ASIC2: variants seen among roughly 807,000 people sequenced by gnomAD.
The protein encoded by ASIC2 is acid-sensing ion channel 2.
In ASIC2, 25 loss-of-function variants were observed where a neutral mutation model predicts 57.3. The observed-to-expected ratio is 0.44, with a 90% confidence interval of 0.32 to 0.61. ASIC2 has a LOEUF of 0.61. Among genes scored for constraint, ASIC2 ranks in the 20% least tolerant of loss-of-function variants. The probability of loss-of-function intolerance (pLI) is 0.06; values close to 1 mark genes in which losing one functional copy is unlikely to be tolerated. For synonymous variants in ASIC2, 319 were observed against 307.5 expected (o/e 1.04, Z -0.39); for missense variants, 641 against 738.1 (o/e 0.87, Z 1.52).
chr17:33,538,911 A>C (rs1362085886), intron 1 of ASIC2, among the ~76,000 whole-genome samples: 1 of 152,182 alleles, frequency 6.6e-6, no homozygotes, highest in Non-Finnish European at 1.5e-5. Context: ...AATCTTCTAA[A>C]TCTATAAAGT....
At chr17:33,379,862 A>G (rs1200942122) in intron 1 of ASIC2, among the ~76,000 whole-genome samples, 1 of 152,188 alleles carries the variant, frequency 6.6e-6, no homozygotes, top group African/African-American at 2.4e-5. Context: ...CATCTCTTTT[A>G]TTATCATTTA....
intron 3 of ASIC2, among the ~76,000 whole-genome samples, chr17:33,083,309 T>A (rs939503362): frequency 1.3e-5 from 2 of 151,680 alleles, no homozygotes; most frequent in African/African-American, 2.4e-5. Context: ...TCTGGAGAGG[T>A]AGGTGTCAGG....
chr17:33,291,736 T>C lies in ASIC2; in HGVS notation c.380A>G (p.Gln127Arg), dbSNP rs760765246. Residue 127 changes from glutamine (Q) to arginine (R), a missense_variant, in exon 1 of 10, where the codon CAG becomes CGG. This residue lies in a region of ASIC2 where 382 missense variants were observed against 398.0 expected (regional missense o/e 0.96). Coordinates refer to ENST00000225823, the MANE Select transcript of ASIC2 (RefSeq NM_183377.2). ...HTRVHREWSR[Q>R]LPFPAVTVCN... The stretch of plus-strand genomic sequence containing the variant: ...CACAGTGACGGCGGGGAAGGGTAAC[T>C]GGCGGCTCCACTCGCGGTGCACCCG... The C allele has an allele frequency of 6.2e-7, 1 of 1,613,216 alleles. No homozygotes were observed. The highest frequency in any genetic ancestry group is 8.5e-7 in the Non-Finnish European group (1 of 1,179,842).
intron 1 of ASIC2, among the ~76,000 whole-genome samples, chr17:33,998,996 T>C (rs1490625845): frequency 6.6e-6 from 1 of 152,140 alleles, no homozygotes; most frequent in African/African-American, 2.4e-5. Context: ...TTGTCTGTTT[T>C]ACCCTTTAGT....
At chr17:33,578,460 A>G (rs1274742639) in intron 1 of ASIC2, among the ~76,000 whole-genome samples, 1 of 152,222 alleles carries the variant, frequency 6.6e-6, no homozygotes, top group Non-Finnish European at 1.5e-5. Flanking sequence ...CTTAGTATGA[A>G]TAAAGACTGA....
At chr17:33,546,437 G>A (rs180849382) in intron 1 of ASIC2, among the ~76,000 whole-genome samples, 7 of 152,254 alleles carry the variant, frequency 4.6e-5, no homozygotes, top group South Asian at 2.1e-4. Context: ...TAGACTAAGG[G>A]TGCTAGAATT....
intron 1 of ASIC2, among the ~76,000 whole-genome samples, chr17:33,693,325 T>C (rs1363210432): frequency 1.3e-5 from 2 of 152,244 alleles, no homozygotes; most frequent in Non-Finnish European, 2.9e-5. Flanking sequence ...GAGAATCCTC[T>C]TGATTTTTGA....
intron 1 of ASIC2, among the ~76,000 whole-genome samples, chr17:33,132,093 C>T (rs752577059): frequency 2.5e-4 from 38 of 152,194 alleles, no homozygotes; most frequent in Non-Finnish European, 4.4e-4. Context: ...ACTGGGTCTG[C>T]CTAGCCTGAC....
intron 1 of ASIC2, among the ~76,000 whole-genome samples, chr17:33,606,993 C>T (rs1006768393): frequency 6.6e-6 from 1 of 152,198 alleles, no homozygotes; most frequent in Non-Finnish European, 1.5e-5. Context: ...AGTGTGAGAA[C>T]AGCAGAGCTA....
intron 1 of ASIC2, among the ~76,000 whole-genome samples, chr17:34,014,679 C>A (rs1286398846): frequency 6.6e-6 from 1 of 152,168 alleles, no homozygotes; most frequent in Non-Finnish European, 1.5e-5. Context: ...CAATCTGGTC[C>A]AGACCTTGAG....
At chr17:33,654,485 AG>A (rs1907018890) in intron 1 of ASIC2, among the ~76,000 whole-genome samples, 1 of 152,232 alleles carries the variant, frequency 6.6e-6, no homozygotes, top group Admixed American at 6.5e-5. Flanking sequence ...AATCTCAAGG[AG>A]TGACACACTT....
intron 1 of ASIC2, among the ~76,000 whole-genome samples, chr17:33,998,014 G>T (rs557110582): frequency 2.6e-5 from 4 of 152,208 alleles, no homozygotes; most frequent in South Asian, 2.1e-4. Context: ...GAAGCCATCA[G>T]GTCCCAGGCT....
chr17:34,130,271 G>A (rs941960585), intron 1 of ASIC2, among the ~76,000 whole-genome samples: 2 of 151,354 alleles, frequency 1.3e-5, no homozygotes, highest in African/African-American at 4.8e-5. Flanking sequence ...ACCCTGTGCA[G>A]GCTCCAAAGA....
At chr17:33,535,194 T>C (rs902936033) in intron 1 of ASIC2, among the ~76,000 whole-genome samples, 3 of 152,094 alleles carry the variant, frequency 2.0e-5, no homozygotes, top group Non-Finnish European at 4.4e-5. Flanking sequence ...AAAACCTGCA[T>C]TTCTCAGGTT....
intron 1 of ASIC2, among the ~76,000 whole-genome samples, chr17:33,860,502 T>C (rs748022381): frequency 1.3e-5 from 2 of 152,186 alleles, no homozygotes; most frequent in African/African-American, 4.8e-5. Context: ...ACTTTTCTGG[T>C]CATTTCTTTC....
chr17:34,068,568 A>G (rs1010151439), intron 1 of ASIC2, among the ~76,000 whole-genome samples: 1 of 152,178 alleles, frequency 6.6e-6, no homozygotes, highest in African/African-American at 2.4e-5. Flanking sequence ...CCAGGGTCTT[A>G]GCTTTTTCCT....
At chr17:33,634,238 G>A (rs780066776) in intron 1 of ASIC2, among the ~76,000 whole-genome samples, 1 of 152,152 alleles carries the variant, frequency 6.6e-6, no homozygotes, top group African/African-American at 2.4e-5. Context: ...CTATGTCTGG[G>A]CTCCAGATTT....
At chr17:33,161,724 G>T (rs1905164840) in intron 1 of ASIC2, among the ~76,000 whole-genome samples, 1 of 152,178 alleles carries the variant, frequency 6.6e-6, no homozygotes, top group African/African-American at 2.4e-5. Context: ...GATGGCTGGG[G>T]TCTTTCCCCA....
At chr17:33,176,475 G>A (rs999378939) in intron 1 of ASIC2, among the ~76,000 whole-genome samples, 4 of 152,112 alleles carry the variant, frequency 2.6e-5, no homozygotes, top group Admixed American at 6.5e-5. Flanking sequence ...CTCTTGAGTA[G>A]CTGGGAGGCA....
Sources: gnomAD v4.1 joint callset for allele counts (sites outside exome capture counted in the v4.1 genomes callset) on GRCh38, gnomAD v4.1.1 for gene constraint, gnomAD v4.1.1 regional missense constraint, MANE v1.5 for transcripts, NCBI Gene and HGNC (gene_info 2026-07-23, HGNC 2026-07-21) for gene names.